Variants in UGGT2 observed in about 807,000 individuals in gnomAD.
UGGT2 encodes UDP-glucose:glycoprotein glucosyltransferase 2.
UGGT2 carries 180 observed loss-of-function variants against 192.1 expected under a neutral mutation model. That is an observed-to-expected ratio of 0.94 (90% CI 0.83 to 1.06). UGGT2 has a LOEUF of 1.06. Ranked by LOEUF, UGGT2 falls within the 50% of genes least tolerant of loss-of-function variation. UGGT2 has a pLI of 0.00. For synonymous variants in UGGT2, 580 were observed against 591.0 expected (o/e 0.98, Z 0.27); for missense variants, 1,849 against 1,795.7 (o/e 1.03, Z -0.54).
chr13:96,022,237 T>C (rs946119562), intron 4 of UGGT2, among the ~76,000 whole-genome samples: 1 of 151,914 alleles, frequency 6.6e-6, no homozygotes, highest in Non-Finnish European at 1.5e-5. Flanking sequence ...TGAAAATAAA[T>C]TACAGATAGA....
At chr13:95,834,691 C>T (rs1887097910) in intron 37 of UGGT2, among the ~76,000 whole-genome samples, 1 of 152,056 alleles carries the variant, frequency 6.6e-6, no homozygotes, top group Non-Finnish European at 1.5e-5. Flanking sequence ...AAATTTGTGC[C>T]ACTTCTCCTT....
chr13:96,003,377 C>T (rs981312951), intron 5 of UGGT2, among the ~76,000 whole-genome samples: 7 of 152,166 alleles, frequency 4.6e-5, no homozygotes, highest in Non-Finnish European at 7.3e-5. Context: ...AAATTACAGG[C>T]ATTTGTGGAA....
In UGGT2 at chr13:95,925,990, G is replaced by A. The variant is rs184029989; in HGVS notation, c.2201-216C>T. 3.0e-4 allele frequency among the ~76,000 whole-genome samples: 45 copies of A among 151,784 alleles called. 1 individual carries two copies. Among genetic ancestry groups the A allele is most frequent in the African/African-American group, 8.4e-4 (35 of 41,424 alleles). ...AAAATTACATATAAAAATGCTACAAGGGTAATTCATTATACAAGCTTATAT... is the reference window on the plus strand; with the variant it reads ...AAAATTACATATAAAAATGCTACAAAGGTAATTCATTATACAAGCTTATAT... On this transcript the variant is annotated intron_variant, in intron 19 of 38. Coordinates refer to ENST00000376747, the MANE Select transcript of UGGT2 (RefSeq NM_020121.4).
intron 5 of UGGT2, among the ~76,000 whole-genome samples, chr13:96,010,093 C>A (rs115439814): frequency 6.6e-6 from 1 of 152,064 alleles, no homozygotes; most frequent in Non-Finnish European, 1.5e-5. Context: ...CCTCAAAGAA[C>A]CTGAAATAGA....
chr13:95,932,311 T>TTGTG (rs67135742), intron 17 of UGGT2, among the ~76,000 whole-genome samples: 16,796 of 139,240 alleles, frequency 0.12, 1,101 homozygotes, highest in East Asian at 0.17. Context: ...GGTATTTTAT[T>TTGTG]TGTGTGTGTG....
chr13:95,842,543 TTC>T (rs1887976062), intron 36 of UGGT2, among the ~76,000 whole-genome samples: 1 of 152,204 alleles, frequency 6.6e-6, no homozygotes, highest in African/African-American at 2.4e-5. Context: ...CTGGTATCCA[TTC>T]TCTCGTGCAA....
At chr13:96,018,281 T>C (rs188177205) in intron 4 of UGGT2, among the ~76,000 whole-genome samples, 69 of 152,262 alleles carry the variant, frequency 4.5e-4, no homozygotes, top group Non-Finnish European at 7.9e-4. Flanking sequence ...TCTGGGAGGC[T>C]GAGGCAGGCA....
At chr13:95,928,404 G>A (rs61972929) in intron 17 of UGGT2, among the ~76,000 whole-genome samples, 3,886 of 151,758 alleles carry the variant, frequency 0.026, 58 homozygotes, top group Non-Finnish European at 0.034. Flanking sequence ...CGGACGGGGC[G>A]GCTGCCGGGC....
At chr13:96,030,761 T>C (rs559679195) in intron 2 of UGGT2, among the ~76,000 whole-genome samples, 2 of 152,282 alleles carry the variant, frequency 1.3e-5, no homozygotes, top group South Asian at 2.1e-4. Flanking sequence ...TCTGCAGAGA[T>C]AGGAAAATAA....
intron 20 of UGGT2, among the ~76,000 whole-genome samples, chr13:95,908,905 C>T (rs1210537002): frequency 7.6e-6 from 1 of 132,046 alleles, no homozygotes; most frequent in Non-Finnish European, 1.6e-5. Flanking sequence ...GTTGCCTGTT[C>T]ACTCTGATGG....
intron 12 of UGGT2, among the ~76,000 whole-genome samples, chr13:95,954,926 C>T (rs9561996): frequency 0.39 from 59,008 of 152,002 alleles, 11,634 homozygotes; most frequent in Middle Eastern, 0.42. Flanking sequence ...ATCCAAAAAA[C>T]TGAAATCTGA....
Position 95,877,799 on chromosome 13 carries a change from A to AT in UGGT2, c.3285dup (p.Cys1096MetfsTer3), listed in dbSNP as rs1012757435. ...GGCTGTTCTGTCACTTTATCAAAGC[A>AT]TTGTCCTTCCAGTAGTAAGTATTCT... On this transcript the variant is annotated frameshift_variant, in exon 28 of 39. Transcript: ENST00000376747. LOFTEE classifies it high-confidence loss of function. 4 of 1,613,894 alleles carry AT rather than the reference A, an allele frequency of 2.5e-6. No individual in the cohort carries two copies. The African/African-American group carries it at 5.3e-5, about 22-fold the overall frequency.
intron 27 of UGGT2, among the ~76,000 whole-genome samples, chr13:95,881,262 G>T (rs908829570): frequency 1.3e-5 from 2 of 152,064 alleles, no homozygotes; most frequent in African/African-American, 4.8e-5. Flanking sequence ...AGTGGGTGGG[G>T]GTATCTTAGA....
intron 29 of UGGT2, among the ~76,000 whole-genome samples, chr13:95,869,768 G>C (rs1891062908): frequency 6.6e-6 from 1 of 152,128 alleles, no homozygotes; most frequent in Admixed American, 6.5e-5. Context: ...AGAGGAAATG[G>C]ACTTCATTGA....
intron 36 of UGGT2, among the ~76,000 whole-genome samples, chr13:95,851,793 C>T (rs959539553): frequency 2.0e-5 from 3 of 152,172 alleles, no homozygotes; most frequent in South Asian, 2.1e-4. Context: ...GAGAACACCT[C>T]GGACAGTTTC....
chr13:95,849,109 T>C (rs1038212441), intron 36 of UGGT2, among the ~76,000 whole-genome samples: 3 of 152,178 alleles, frequency 2.0e-5, no homozygotes, highest in Non-Finnish European at 4.4e-5. Context: ...TTCTTTGTCA[T>C]ATAGATTATA....
intron 36 of UGGT2, 78 bp from the exon 37 acceptor site, chr13:95,837,280 C>A: frequency 1.1e-6 from 1 of 947,682 alleles, no homozygotes; most frequent in Non-Finnish European, 1.7e-6. Flanking sequence ...AGTAAGACAT[C>A]AGTTAGACTG....
chr13:96,038,630 T>C (rs1158628138), intron 1 of UGGT2, among the ~76,000 whole-genome samples: 1 of 152,110 alleles, frequency 6.6e-6, no homozygotes, highest in Non-Finnish European at 1.5e-5. Flanking sequence ...AAATTTATTC[T>C]CTCATAGTTC....
chr13:95,970,684 C>A (rs73560886), intron 11 of UGGT2, among the ~76,000 whole-genome samples: 1 of 151,972 alleles, frequency 6.6e-6, no homozygotes, highest in Non-Finnish European at 1.5e-5. Flanking sequence ...ATGAAGTTCA[C>A]GTGTGTTTGA....
Sources: allele counts gnomAD v4.1 joint callset (sites outside exome capture counted in the v4.1 genomes callset), GRCh38; gene constraint gnomAD v4.1.1; transcripts MANE v1.5; gene names NCBI Gene and HGNC (gene_info 2026-07-23, HGNC 2026-07-21).